The following MAGOH variants were observed in gnomAD, a reference collection of about 807,000 sequenced individuals.
The protein encoded by MAGOH is mago homolog, exon junction complex subunit.
A neutral mutation model predicts 20.9 loss-of-function variants in MAGOH; 3 were observed. The ratio of observed to expected loss-of-function variants is 0.14; its 90% CI spans 0.07 to 0.37. The LOEUF is 0.37. Ranked by LOEUF, MAGOH falls within the 10% of genes least tolerant of loss-of-function variation. The probability of loss-of-function intolerance (pLI) is 1.00; values close to 1 mark genes in which losing one functional copy is unlikely to be tolerated. For synonymous variants in MAGOH, 51 were observed against 61.0 expected (o/e 0.84, Z 0.76); for missense variants, 66 against 178.1 (o/e 0.37, Z 3.58).
At chr1:53,234,169 C>G (rs1345218014) in intron 2 of MAGOH, among the ~76,000 whole-genome samples, 1 of 152,134 alleles carries the variant, frequency 6.6e-6, no homozygotes, top group Non-Finnish European at 1.5e-5. Flanking sequence ...GCATTCATTC[C>G]TTCTGGAGGA....
At chr1:53,235,781 C>G in intron 1 of MAGOH, 146 bp from the exon 2 acceptor site, 1 of 654,252 alleles carries the variant, frequency 1.5e-6, no homozygotes, top group Non-Finnish European at 2.7e-6. Flanking sequence ...TAAGGTATTT[C>G]AACAATACTA....
At chr1:53,235,019 G>A (rs1264233346) in intron 2 of MAGOH, among the ~76,000 whole-genome samples, 3 of 152,090 alleles carry the variant, frequency 2.0e-5, no homozygotes, top group Non-Finnish European at 4.4e-5. Flanking sequence ...TTATTTGTAA[G>A]GGGGCTATAA....
intron 1 of MAGOH, 127 bp downstream of exon 1, chr1:53,238,234 G>A (rs1645626183): frequency 1.2e-6 from 1 of 801,076 alleles, no homozygotes; most frequent in South Asian, 1.5e-5. Flanking sequence ...GTTCCTTTAA[G>A]ATCTGCACTG....
chr1:53,236,417 C>T (rs1645610681), intron 1 of MAGOH, among the ~76,000 whole-genome samples: 2 of 152,238 alleles, frequency 1.3e-5, no homozygotes. Flanking sequence ...ACATGGCATA[C>T]AGCTAAGCTA....
intron 3 of MAGOH, 63 bp downstream of exon 3, chr1:53,233,479 G>A: frequency 2.7e-6 from 3 of 1,098,468 alleles, no homozygotes; most frequent in Non-Finnish European, 4.1e-6. Flanking sequence ...TTAAGTGGAG[G>A]AGGGAGTGTG....
intron 3 of MAGOH, 102 bp downstream of exon 3, chr1:53,233,440 G>A (rs1375732125): frequency 1.4e-6 from 1 of 728,658 alleles, no homozygotes; most frequent in Non-Finnish European, 2.4e-6. Flanking sequence ...GTCCATAGTA[G>A]TTAGTAAGTG....
At chr1:53,234,165 A>C (rs1645600020) in intron 2 of MAGOH, among the ~76,000 whole-genome samples, 1 of 152,148 alleles carries the variant, frequency 6.6e-6, no homozygotes, top group Admixed American at 6.5e-5. Flanking sequence ...CACAGCATTC[A>C]TTCCTTCTGG....
intron 2 of MAGOH, among the ~76,000 whole-genome samples, chr1:53,234,108 T>C (rs1645599597): frequency 6.6e-6 from 1 of 152,174 alleles, no homozygotes; most frequent in South Asian, 2.1e-4. Context: ...AGGAGAGAGC[T>C]TAAGGGAACT....
At chr1:53,231,430 T>A (rs1386866168) in intron 3 of MAGOH, among the ~76,000 whole-genome samples, 1 of 152,226 alleles carries the variant, frequency 6.6e-6, no homozygotes, top group African/African-American at 2.4e-5. Context: ...TAAGGAGTTT[T>A]AAAAACTCCT....
intron 4 of MAGOH, 44 bp from the exon 5 acceptor site, chr1:53,227,188 C>T (rs775885440): frequency 1.1e-4 from 113 of 1,071,898 alleles, no homozygotes; most frequent in Non-Finnish European, 1.5e-4. Flanking sequence ...AAACTTTGAC[C>T]CATCAAGTGT....
Position 53,227,004 on chromosome 1 carries a change from T to C in MAGOH, c.*41A>G, listed in dbSNP as rs770551129. 1.4e-5 allele frequency: 15 copies of C among 1,058,158 alleles called. No homozygotes were observed. In the East Asian group the frequency reaches 2.0e-4, roughly 14 times the overall value. 65.5% of individuals were successfully genotyped at this position (1,058,158 alleles called of 1,614,324 possible). ...TACTGCCCTGATATACACAAAATTTTCTACTCCCACCCACCCCCCATGTCC... is the reference window on the plus strand; with the variant it reads ...TACTGCCCTGATATACACAAAATTTCCTACTCCCACCCACCCCCCATGTCC... On this transcript the variant is annotated 3_prime_UTR_variant, in exon 5 of 5. Coordinates refer to ENST00000371470, the MANE Select transcript of MAGOH (RefSeq NM_002370.4).
intron 2 of MAGOH, 83 bp downstream of exon 2, chr1:53,235,494 C>G (rs1440945656): frequency 8.6e-7 from 1 of 1,158,926 alleles, no homozygotes; most frequent in Non-Finnish European, 1.3e-6. Flanking sequence ...TCTTTCAATA[C>G]TACTAGAAAC....
At chr1:53,233,685 G>T in intron 2 of MAGOH, 33 bp from the exon 3 acceptor site, 1 of 1,369,980 alleles carries the variant, frequency 7.3e-7, no homozygotes, top group Non-Finnish European at 1.0e-6. Flanking sequence ...AATGTATGTT[G>T]TATCCTTAAG....
chr1:53,233,956 C>G (rs1204225668), intron 2 of MAGOH: 1 of 246,516 alleles, frequency 4.1e-6, no homozygotes, highest in African/African-American at 2.2e-5. Flanking sequence ...TGTGAGTGCC[C>G]CCTGCCATGG....
In MAGOH at chr1:53,237,503, C is replaced by T. The variant is rs376802788; in HGVS notation, c.88+858G>A. On this transcript the variant is annotated intron_variant, in intron 1 of 4. Transcript: ENST00000371470. ...CAGCCTGGCCAACATGGTGAAACTC[C>T]GTCTCTACTAAAAATACAAAATTAG... Among the ~76,000 whole-genome samples, 3 of 150,502 alleles carry T rather than the reference C, an allele frequency of 2.0e-5. No individual in the cohort carries two copies. The East Asian group carries it at 6.1e-4, about 30-fold the overall frequency.
At chr1:53,237,864 T>TATTCC (rs1207386665) in intron 1 of MAGOH, among the ~76,000 whole-genome samples, 2 of 151,942 alleles carry the variant, frequency 1.3e-5, no homozygotes, top group African/African-American at 4.8e-5. Context: ...TGACATCTGG[T>TATTCC]ATTCCCTTTG....
intron 1 of MAGOH, 138 bp downstream of exon 1, chr1:53,238,223 C>T (rs1442406127): frequency 2.8e-6 from 2 of 711,022 alleles, no homozygotes; most frequent in Non-Finnish European, 4.9e-6. Flanking sequence ...GACACAGTGG[C>T]GTTCCTTTAA....
chr1:53,228,429 C>G (rs2100301486), intron 4 of MAGOH, among the ~76,000 whole-genome samples: 1 of 152,082 alleles, frequency 6.6e-6, no homozygotes, highest in South Asian at 2.1e-4. Context: ...GAGACTCCAT[C>G]TCAAAATAAT....
intron 1 of MAGOH, among the ~76,000 whole-genome samples, chr1:53,236,490 A>G (rs1645611071): frequency 2.0e-5 from 3 of 152,200 alleles, no homozygotes; most frequent in Admixed American, 1.3e-4. Context: ...AGCTGAAGTC[A>G]AACTACTTGG....
Sources: gnomAD v4.1 joint callset for allele counts (sites outside exome capture counted in the v4.1 genomes callset) on GRCh38, gnomAD v4.1.1 for gene constraint, MANE v1.5 for transcripts, NCBI Gene and HGNC (gene_info 2026-07-23, HGNC 2026-07-21) for gene names.